Variants in MITF observed in about 807,000 individuals in gnomAD.
The protein encoded by MITF is melanocyte inducing transcription factor, also known as microphthalmia-associated transcription factor.
MITF carries 17 observed loss-of-function variants against 60.5 expected under a neutral mutation model. That is an observed-to-expected ratio of 0.28 (90% CI 0.19 to 0.42). MITF has a LOEUF of 0.42. Among genes scored for constraint, MITF ranks in the 10% least tolerant of loss-of-function variants. The probability of loss-of-function intolerance (pLI) is 1.00; values close to 1 mark genes in which losing one functional copy is unlikely to be tolerated. For synonymous variants in MITF, 260 were observed against 248.5 expected (o/e 1.05, Z -0.43); for missense variants, 622 against 683.5 (o/e 0.91, Z 1.00).
At chr3:69,746,401 A>G (rs1559605593) in intron 1 of MITF, among the ~76,000 whole-genome samples, 1 of 152,128 alleles carries the variant, frequency 6.6e-6, no homozygotes, top group Non-Finnish European at 1.5e-5. Flanking sequence ...TCCCTCTCCA[A>G]CTGCTTTGTT....
rs550517388 is a variant in MITF, at chr3:69,824,346, A to G, written c.105-54788A>G. On this transcript the variant is annotated intron_variant, in intron 1 of 9. Transcript: ENST00000352241. ...TACTCACAAGAACATGTCAATATCA[A>G]TAGCATGCATATGGGGTGTTGGATT... Among the ~76,000 whole-genome samples, 8 of 152,288 alleles carry G rather than the reference A, an allele frequency of 5.3e-5. No homozygotes were observed. The South Asian group carries it at 1.2e-3, about 24-fold the overall frequency.
intron 9 of MITF, 60 bp downstream of exon 9, chr3:69,959,480 CAG>C (rs2066488232): frequency 7.5e-6 from 12 of 1,598,360 alleles, no homozygotes; most frequent in East Asian, 2.2e-5. Flanking sequence ...ACAGTAGAAA[CAG>C]GGATATAATG....
intron 1 of MITF, among the ~76,000 whole-genome samples, chr3:69,753,831 G>A (rs1489266418): frequency 1.3e-5 from 2 of 152,196 alleles, no homozygotes; most frequent in African/African-American, 4.8e-5. Context: ...TATCTTGGAA[G>A]TAACTAACTT....
At chr3:69,917,801 A>G (rs2065369858) in intron 2 of MITF, among the ~76,000 whole-genome samples, 1 of 152,124 alleles carries the variant, frequency 6.6e-6, no homozygotes, top group Non-Finnish European at 1.5e-5. Context: ...TCTTAGGGAT[A>G]TGTATAGATC....
At chr3:69,931,740 C>T (rs1398795776) in intron 2 of MITF, among the ~76,000 whole-genome samples, 1 of 152,082 alleles carries the variant, frequency 6.6e-6, no homozygotes, top group Non-Finnish European at 1.5e-5. Flanking sequence ...CTGGGATATG[C>T]ACCTGGAATA....
At chr3:69,891,944 G>A (rs2064769143) in intron 2 of MITF, among the ~76,000 whole-genome samples, 2 of 152,182 alleles carry the variant, frequency 1.3e-5, no homozygotes, top group Non-Finnish European at 2.9e-5. Flanking sequence ...TTGAGGAGGT[G>A]AATTGAGGAT....
chr3:69,919,610 AC>A (rs2065416580), intron 2 of MITF, among the ~76,000 whole-genome samples: 1 of 152,216 alleles, frequency 6.6e-6, no homozygotes, highest in Admixed American at 6.5e-5. Context: ...TCTAATAAAT[AC>A]AAAAGAATAG....
chr3:69,772,540 T>C (rs1307535256), intron 1 of MITF, among the ~76,000 whole-genome samples: 1 of 152,194 alleles, frequency 6.6e-6, no homozygotes, highest in Non-Finnish European at 1.5e-5. Flanking sequence ...TGATAAAAAT[T>C]ATTTACTTGC....
At chr3:69,891,199 A>T (rs113231836) in intron 2 of MITF, among the ~76,000 whole-genome samples, 1 of 152,356 alleles carries the variant, frequency 6.6e-6, no homozygotes, top group African/African-American at 2.4e-5. Context: ...GAATTAGAAG[A>T]ATCTTGATAG....
intron 1 of MITF, among the ~76,000 whole-genome samples, chr3:69,876,240 G>C (rs577136107): frequency 6.6e-6 from 1 of 152,064 alleles, no homozygotes; most frequent in African/African-American, 2.4e-5. Context: ...CCAATGACTC[G>C]TCTTGAGCAG....
chr3:69,964,980 A>T lies in MITF; in HGVS notation c.1313A>T (p.His438Leu). 6.2e-7 allele frequency: 1 copy of T among 1,614,144 alleles called. No individual in the cohort carries two copies. The highest frequency in any genetic ancestry group is 1.3e-5 in the African/African-American group (1 of 75,040). ...AACTGCAGCCAAGACCTCCTTCAGCATCATGCAGACCTAACCTGTACAACA... is the reference window on the plus strand; with the variant it reads ...AACTGCAGCCAAGACCTCCTTCAGCTTCATGCAGACCTAACCTGTACAACA... ...LENCSQDLLQ[H>L]HADLTCTTTL... Residue 438 changes from histidine to leucine, a missense_variant, in exon 10 of 10, where the codon CAT becomes CTT. His to Leu is a moderately conservative substitution (Grantham distance 99, BLOSUM62 -3). This residue lies in a region of MITF where 224 missense variants were observed against 209.5 expected (regional missense o/e 1.07). Coordinates refer to ENST00000352241, the MANE Select transcript of MITF (RefSeq NM_001354604.2).
At chr3:69,950,623 GT>G (rs1416010587) in intron 6 of MITF, among the ~76,000 whole-genome samples, 2 of 141,666 alleles carry the variant, frequency 1.4e-5, no homozygotes, top group Non-Finnish European at 3.0e-5. Flanking sequence ...AATATATATG[GT>G]GTGTATATAT....
intron 1 of MITF, among the ~76,000 whole-genome samples, chr3:69,865,429 T>A (rs1235823968): frequency 2.6e-5 from 4 of 152,210 alleles, no homozygotes; most frequent in African/African-American, 4.8e-5. Context: ...TGCTGAGTCC[T>A]GTAGGAGCTG....
chr3:69,757,997 A>ATGTGTGTGTGTGTG (rs60250386), intron 1 of MITF, among the ~76,000 whole-genome samples: 2 of 116,050 alleles, frequency 1.7e-5, no homozygotes, highest in African/African-American at 3.5e-5. Flanking sequence ...ACCCTAGGGC[A>ATGTGTGTGTGTGTG]TGTGTGTGTG....
At chr3:69,889,277 G>T (rs2064703876) in intron 2 of MITF, among the ~76,000 whole-genome samples, 2 of 151,514 alleles carry the variant, frequency 1.3e-5, no homozygotes, top group Non-Finnish European at 1.5e-5. Context: ...CTACGATTAG[G>T]CTGTCTTTGA....
chr3:69,770,374 A>G (rs1265518208), intron 1 of MITF, among the ~76,000 whole-genome samples: 1 of 152,172 alleles, frequency 6.6e-6, no homozygotes, highest in Non-Finnish European at 1.5e-5. Context: ...AAATTACCTC[A>G]TTACTTTTAG....
intron 1 of MITF, among the ~76,000 whole-genome samples, chr3:69,813,291 A>G (rs148644301): frequency 1.8e-4 from 27 of 152,346 alleles, no homozygotes; most frequent in Admixed American, 6.5e-4. Flanking sequence ...TTGAATGTGC[A>G]CAAAAGCTTT....
chr3:69,770,704 C>T (rs1056737774), intron 1 of MITF, among the ~76,000 whole-genome samples: 12 of 151,976 alleles, frequency 7.9e-5, no homozygotes, highest in African/African-American at 1.9e-4. Flanking sequence ...TAATGGAGCA[C>T]GAAAGCAAGA....
At chr3:69,757,304 C>T (rs1704188650) in intron 1 of MITF, among the ~76,000 whole-genome samples, 1 of 152,118 alleles carries the variant, frequency 6.6e-6, no homozygotes, top group East Asian at 1.9e-4. Flanking sequence ...CAGACTTTCT[C>T]CAGTATTCTT....
Sources: gnomAD v4.1 joint callset for allele counts (sites outside exome capture counted in the v4.1 genomes callset) on GRCh38, gnomAD v4.1.1 for gene constraint, gnomAD v4.1.1 regional missense constraint, MANE v1.5 for transcripts, NCBI Gene and HGNC (gene_info 2026-07-23, HGNC 2026-07-21) for gene names.